The following DMKN variants were observed in gnomAD, a reference collection of about 807,000 sequenced individuals.
DMKN encodes the protein epidermis-specific secreted protein SK30/SK89.
A neutral mutation model predicts 67.6 loss-of-function variants in DMKN; 58 were observed. That is an observed-to-expected ratio of 0.86 (90% confidence interval 0.69 to 1.07). The LOEUF is 1.07. DMKN is among the 50% of genes least tolerant of loss of function. The pLI is 0.00. For synonymous variants in DMKN, 240 were observed against 232.3 expected (o/e 1.03, Z -0.30); for missense variants, 596 against 601.5 (o/e 0.99, Z 0.10).
At chr19:35,502,982 C>A in intron 9 of DMKN, 96 bp from the exon 10 acceptor site, 1 of 1,354,058 alleles carries the variant, frequency 7.4e-7, no homozygotes, top group Non-Finnish European at 1.0e-6. Context: ...TTCAGAATGT[C>A]ATTGTGACTA....
Position 35,498,708 on chromosome 19 carries a change from A to C in DMKN, c.*8T>G. 1 of 1,613,898 alleles carries C rather than the reference A, an allele frequency of 6.2e-7. No homozygotes were observed. Among genetic ancestry groups the C allele is most frequent in the Non-Finnish European group, 8.5e-7 (1 of 1,179,968 alleles). Reference sequence around the variant, plus strand: ...ATGTGGCCTGGGTCGGCTCACTCTGACACTCACCTACCAAAACTTCACCCA... The same window carrying C: ...ATGTGGCCTGGGTCGGCTCACTCTGCCACTCACCTACCAAAACTTCACCCA... On this transcript the variant is annotated splice_region_variant and intron_variant, in intron 15 of 15. Coordinates refer to ENST00000339686, the MANE Select transcript of DMKN (RefSeq NM_033317.5).
chr19:35,510,732 T>C (rs1056877013), intron 5 of DMKN, among the ~76,000 whole-genome samples: 18 of 152,194 alleles, frequency 1.2e-4, no homozygotes, highest in Admixed American at 6.5e-4. Flanking sequence ...TCCTCCTGTC[T>C]GACACTTTTC....
At chr19:35,499,883 C>G in intron 13 of DMKN, 75 bp downstream of exon 13, 1 of 1,539,748 alleles carries the variant, frequency 6.5e-7, no homozygotes, top group Non-Finnish European at 9.0e-7. Context: ...CGAGAGGACC[C>G]CGGCAGTGAA....
At position 35,511,429 on chromosome 19, in the gene DMKN, G is replaced by A. The variant is rs781719489; in HGVS notation, c.900C>T (p.Ser300=). ...SGNSGGSRGD[S]GSESSWGSST... ...AACTCACCCAGGAGGACTCACTGCCGCTGTCACCTCTGCTGCCACCACTGT... is the reference window on the plus strand; with the variant it reads ...AACTCACCCAGGAGGACTCACTGCCACTGTCACCTCTGCTGCCACCACTGT... The change falls in exon 5 of 16, where the codon AGC becomes AGT. Residue 300 remains serine, a synonymous_variant. Transcript: ENST00000339686. 20 of 1,588,460 alleles carry A rather than the reference G, an allele frequency of 1.3e-5. No homozygotes were observed. In the East Asian group the frequency reaches 1.4e-4, roughly 12 times the overall value.
chr19:35,509,863 G>C (rs376450287), intron 7 of DMKN, 48 bp downstream of exon 7: 5 of 1,609,192 alleles, frequency 3.1e-6, no homozygotes, highest in Non-Finnish European at 4.3e-6. Flanking sequence ...GCACAGTCCT[G>C]GGCAGGAACT....
intron 15 of DMKN, chr19:35,498,453 C>T: frequency 1.8e-6 from 1 of 546,362 alleles, no homozygotes. Context: ...AAGTGATCCT[C>T]CCACCCCAGC....
chr19:35,507,277 T>C (rs1399996239), intron 7 of DMKN: 1 of 540,764 alleles, frequency 1.8e-6, no homozygotes, highest in African/African-American at 1.9e-5. Flanking sequence ...AAGGAAGGAA[T>C]GAATGAACCA....
chr19:35,502,481 C>A (rs182812388), intron 10 of DMKN, among the ~76,000 whole-genome samples: 1 of 151,880 alleles, frequency 6.6e-6, no homozygotes, highest in South Asian at 2.1e-4. Flanking sequence ...AGGTGGATCA[C>A]GAGGTCAGGA....
At chr19:35,500,214 C>A in intron 12 of DMKN, 185 bp from the exon 13 acceptor site, 1 of 1,194,386 alleles carries the variant, frequency 8.4e-7, no homozygotes, top group Non-Finnish European at 1.2e-6. Flanking sequence ...CCCTCACCTG[C>A]CTTTACTGTC....
rs1237274109 is a variant in DMKN at position 35,502,160 on chromosome 19, G to A, written c.1215C>T (p.Phe405=). The A allele has an allele frequency of 1.2e-6, 2 of 1,614,158 alleles. No individual in the cohort carries two copies. Among genetic ancestry groups the A allele is most frequent in the Non-Finnish European group, 1.7e-6 (2 of 1,180,020 alleles). The part of the protein sequence containing the change: ...LWEDFKQNTP[F]LNWKAIIEGA... ...CCTCAATAATTGCTTTCCAGTTGAG[G>A]AAAGGAGTGTTCTGTTTGAAATCCT... Residue 405 remains phenylalanine (F), a synonymous_variant, in exon 11 of 16, where the codon TTC becomes TTT. Coordinates refer to ENST00000339686, the MANE Select transcript of DMKN (RefSeq NM_033317.5).
intron 10 of DMKN, among the ~76,000 whole-genome samples, chr19:35,502,578 C>T (rs2068600622): frequency 6.6e-6 from 1 of 152,050 alleles, no homozygotes; most frequent in Non-Finnish European, 1.5e-5. Context: ...GTGGCAGGCG[C>T]CTGTAGTCCC....
chr19:35,503,472 T>C (rs1568582849), intron 9 of DMKN: 1 of 1,491,050 alleles, frequency 6.7e-7, no homozygotes, highest in South Asian at 1.2e-5. Context: ...AGGTTTTTTT[T>C]TGTTTTTTTT....
At chr19:35,509,758 T>G in intron 7 of DMKN, 153 bp downstream of exon 7, 2 of 826,206 alleles carry the variant, frequency 2.4e-6, no homozygotes, top group Non-Finnish European at 3.9e-6. Flanking sequence ...ATCGTTAGCA[T>G]TTTTAGGAGT....
intron 15 of DMKN, 61 bp downstream of exon 15, chr19:35,498,655 C>T: frequency 1.2e-6 from 2 of 1,608,838 alleles, no homozygotes; most frequent in South Asian, 1.1e-5. Context: ...CTGGCCCTGC[C>T]CCGGGTGACT....
rs780852867 is a variant in DMKN, at chr19:35,513,038, A to G, written c.426+12T>C. ...GCCTCCCATTTCCACATGCAGCCCC[A>G]CAGCCACTCACCCAAGCACCATTGT... On this transcript the variant is annotated intron_variant, in intron 1 of 15. Coordinates refer to ENST00000339686, the MANE Select transcript of DMKN (RefSeq NM_033317.5). The G allele has an allele frequency of 1.2e-6, 2 of 1,611,822 alleles. No individual in the cohort carries two copies. The highest frequency in any genetic ancestry group is 1.1e-5 in the South Asian group (1 of 91,048).
chr19:35,502,390 G>T (rs868546306), intron 10 of DMKN, among the ~76,000 whole-genome samples: 1 of 152,094 alleles, frequency 6.6e-6, no homozygotes, highest in Non-Finnish European at 1.5e-5. Context: ...ATTTGGATGA[G>T]CTGTCTCAAA....
chr19:35,511,837 G>A (rs766380205), intron 3 of DMKN, 24 bp from the exon 4 acceptor site: 1 of 1,606,532 alleles, frequency 6.2e-7, no homozygotes, highest in South Asian at 1.1e-5. Context: ...GGGATGGTGA[G>A]TTTGGGGACG....
intron 3 of DMKN, 50 bp from the exon 4 acceptor site, chr19:35,511,863 T>C: frequency 2.5e-6 from 4 of 1,576,688 alleles, no homozygotes; most frequent in Non-Finnish European, 3.5e-6. Context: ...TTTGGAGACG[T>C]TGGCCTCGGC....
At position 35,506,490 on chromosome 19, in the gene DMKN, C is replaced by T. The variant is rs115967501; in HGVS notation, c.1039-504G>A. The T allele has an allele frequency of 8.3e-3, 4,558 of 550,930 alleles. 172 individuals carry two copies. Among genetic ancestry groups the T allele is most frequent in the African/African-American group, 0.076 (4,057 of 53,530 alleles). 34.1% of individuals were successfully genotyped at this position (550,930 alleles called of 1,614,324 possible). On this transcript the variant is annotated intron_variant, in intron 7 of 15. Transcript: ENST00000339686. ...TGAGATTAGCTAACGTGTAGTCCCA[C>T]GGCACGCCAAGCACCATGCCTTATG...
Sources: gnomAD v4.1 joint callset for allele counts (sites outside exome capture counted in the v4.1 genomes callset) on GRCh38, gnomAD v4.1.1 for gene constraint, MANE v1.5 for transcripts, NCBI Gene and HGNC (gene_info 2026-07-23, HGNC 2026-07-21) for gene names.